ADGRL2: variants seen among roughly 807,000 people sequenced by gnomAD.
ADGRL2 encodes calcium-independent alpha-latrotoxin receptor 2.
ADGRL2 carries 44 observed loss-of-function variants against 157.4 expected under a neutral mutation model. The observed-to-expected ratio is 0.28, with a 90% CI of 0.22 to 0.36. ADGRL2 has a LOEUF of 0.36. ADGRL2 is among the 10% of genes least tolerant of loss of function. The pLI, the probability that ADGRL2 is intolerant of heterozygous loss-of-function variation, is 1.00. For missense variants in ADGRL2, 1,510 were observed against 1,768.9 expected, an observed-to-expected ratio of 0.85 and a Z score of 2.63; for synonymous variants, 585 against 624.7, an observed-to-expected ratio of 0.94 and a Z score of 0.95.
rs142943340 is a variant in ADGRL2, at chr1:81,316,022, C to T, written c.-302+9513C>T. ...TTCCTCATCTTATAATATTTTCCTTCTCATGTGTGCCCTTGACTTAAAGGG... is the reference window on the plus strand; with the variant it reads ...TTCCTCATCTTATAATATTTTCCTTTTCATGTGTGCCCTTGACTTAAAGGG... On this transcript the variant is annotated intron_variant, in intron 1 of 24. Coordinates refer to the ADGRL2 transcript ENST00000370721. Among the ~76,000 whole-genome samples the T allele has an allele frequency of 2.7e-3, 409 of 151,908 alleles. 3 individuals carry two copies. Among genetic ancestry groups the T allele is most frequent in the African/African-American group, 9.5e-3 (394 of 41,474 alleles).
At chr1:81,651,982 C>T (rs962145844) in intron 3 of ADGRL2, among the ~76,000 whole-genome samples, 8 of 152,114 alleles carry the variant, frequency 5.3e-5, no homozygotes, top group Non-Finnish European at 1.2e-4. Flanking sequence ...GTGAGGATTA[C>T]AGGCGTGAGG....
intron 1 of ADGRL2, among the ~76,000 whole-genome samples, chr1:81,834,765 G>A (rs2092177107): frequency 6.6e-6 from 1 of 152,030 alleles, no homozygotes; most frequent in African/African-American, 2.4e-5. Context: ...AAGAAGCCAT[G>A]ATTTTATACA....
In ADGRL2 at chr1:81,758,706, T is replaced by C. The variant is rs72941118; in HGVS notation, c.-142-3105T>C. ...AACGGAAAATAAAGAGTTCATATGC[T>C]AACATTTCATGGAATATGCCTACAC... On this transcript the variant is annotated intron_variant, in intron 1 of 20. Coordinates refer to the ADGRL2 transcript ENST00000359929. 2.3e-3 allele frequency among the ~76,000 whole-genome samples: 352 copies of C among 152,358 alleles called. 3 individuals carry two copies. The highest frequency in any genetic ancestry group is 8.1e-3 in the African/African-American group (338 of 41,590).
intron 1 of ADGRL2, among the ~76,000 whole-genome samples, chr1:81,396,118 T>C (rs2076650908): frequency 6.6e-6 from 1 of 152,196 alleles, no homozygotes; most frequent in Non-Finnish European, 1.5e-5. Context: ...ATTTTTACAA[T>C]GTTAATTCTA....
intron 2 of ADGRL2, among the ~76,000 whole-genome samples, chr1:81,862,794 A>G (rs2093427676): frequency 6.6e-6 from 1 of 152,168 alleles, no homozygotes; most frequent in Non-Finnish European, 1.5e-5. Flanking sequence ...CACATCTGAT[A>G]CAGAGGAGAT....
intron 3 of ADGRL2, among the ~76,000 whole-genome samples, chr1:81,926,143 A>G (rs528998385): frequency 3.5e-4 from 54 of 152,158 alleles, no homozygotes; most frequent in African/African-American, 1.3e-3. Flanking sequence ...ATGATCTTTA[A>G]GAAGTAAATA....
chr1:81,535,168 CTA>C (rs1333013617), intron 2 of ADGRL2, among the ~76,000 whole-genome samples: 4 of 152,130 alleles, frequency 2.6e-5, no homozygotes, highest in Non-Finnish European at 5.9e-5. Flanking sequence ...AGGACTGACT[CTA>C]AGCTTCAAGA....
intron 1 of ADGRL2, among the ~76,000 whole-genome samples, chr1:81,706,270 A>G (rs2083734355): frequency 6.6e-6 from 1 of 152,154 alleles, no homozygotes; most frequent in African/African-American, 2.4e-5. Flanking sequence ...AGAGGATATA[A>G]ATGGTCAAGA....
chr1:81,530,481 G>C (rs527553174), intron 2 of ADGRL2, among the ~76,000 whole-genome samples: 2 of 152,080 alleles, frequency 1.3e-5, no homozygotes, highest in Non-Finnish European at 2.9e-5. Context: ...CTGAGTAGCT[G>C]GGACCACAGG....
At chr1:81,544,865 T>G (rs2079974440) in intron 2 of ADGRL2, among the ~76,000 whole-genome samples, 3 of 152,190 alleles carry the variant, frequency 2.0e-5, no homozygotes, top group Admixed American at 6.5e-5. Context: ...TCAGCAGAAC[T>G]CTCATTTCTA....
At chr1:81,361,518 A>C (rs1193636832) in intron 1 of ADGRL2, among the ~76,000 whole-genome samples, 1 of 151,910 alleles carries the variant, frequency 6.6e-6, no homozygotes, top group African/African-American at 2.4e-5. Flanking sequence ...GTGCTCCTTA[A>C]GGACGGGAAC....
intron 2 of ADGRL2, among the ~76,000 whole-genome samples, chr1:81,763,647 G>A (rs907890473): frequency 6.6e-6 from 1 of 151,504 alleles, no homozygotes; most frequent in African/African-American, 2.4e-5. Context: ...CACTTTGGGA[G>A]GCTGAGGTGA....
At chr1:81,533,796 CA>C (rs1344278980) in intron 2 of ADGRL2, among the ~76,000 whole-genome samples, 2 of 152,170 alleles carry the variant, frequency 1.3e-5, no homozygotes. Context: ...TCCTCCCACC[CA>C]CACCCTCACA....
chr1:81,316,130 C>CAAAAAAAAAAAAAAA (rs1169587245), intron 1 of ADGRL2, among the ~76,000 whole-genome samples: 1 of 107,830 alleles, frequency 9.3e-6, no homozygotes. Context: ...ACCAAAAAAA[C>CAAAAAAAAAAAAAAA]AAAAAAAAAA....
At chr1:81,670,244 G>C (rs1299612566) in intron 3 of ADGRL2, among the ~76,000 whole-genome samples, 4 of 152,288 alleles carry the variant, frequency 2.6e-5, no homozygotes, top group African/African-American at 9.6e-5. Flanking sequence ...TCCTTCCAGA[G>C]CTTGGAGAGA....
chr1:81,326,533 T>G (rs1660913685), intron 1 of ADGRL2, among the ~76,000 whole-genome samples: 1 of 152,208 alleles, frequency 6.6e-6, no homozygotes, highest in Non-Finnish European at 1.5e-5. Flanking sequence ...AACCATCAAT[T>G]GATCTCTAGG....
chr1:81,397,728 A>C (rs1470225751), intron 1 of ADGRL2, among the ~76,000 whole-genome samples: 1 of 152,176 alleles, frequency 6.6e-6, no homozygotes, highest in African/African-American at 2.4e-5. Context: ...TTTGCAGCCT[A>C]ACATGTGGTC....
chr1:81,555,270 T>C (rs542325769), intron 2 of ADGRL2, among the ~76,000 whole-genome samples: 61 of 149,192 alleles, frequency 4.1e-4, no homozygotes, highest in Non-Finnish European at 7.3e-4. Context: ...CTTTTCTTTT[T>C]TTTTTTTTTT....
exon 2 of ADGRL2, chr1:81,761,838 A>G (rs577686297): frequency 1.3e-5 from 2 of 152,168 alleles, no homozygotes; most frequent in South Asian, 4.1e-4. Context: ...GAAAAATTTC[A>G]TCTTTCCCAG....
Sources: allele counts gnomAD v4.1 joint callset (sites outside exome capture counted in the v4.1 genomes callset), GRCh38; gene constraint gnomAD v4.1.1; transcripts MANE v1.5; gene names NCBI Gene and HGNC (gene_info 2026-07-23, HGNC 2026-07-21).